The following CLVS1 variants were observed in gnomAD, a reference collection of about 807,000 sequenced individuals.
CLVS1 encodes the protein clavesin 1, also known as clavesin-1.
A neutral mutation model predicts 33.1 loss-of-function variants in CLVS1; 10 were observed. The observed-to-expected ratio is 0.30, with a 90% CI of 0.19 to 0.51. The LOEUF is 0.51. Among genes scored for constraint, CLVS1 ranks in the 20% least tolerant of loss-of-function variants. The pLI is 0.97. For missense variants in CLVS1, 343 were observed against 433.4 expected (o/e 0.79, Z 1.85); for synonymous variants, 163 against 166.1 (o/e 0.98, Z 0.14).
chr8:61,160,154 C>T (rs538062553), intron 2 of CLVS1, among the ~76,000 whole-genome samples: 3 of 152,214 alleles, frequency 2.0e-5, no homozygotes, highest in Admixed American at 6.5e-5. Flanking sequence ...GATGGAAGAG[C>T]CCTGTTTGTA....
chr8:61,171,414 T>C (rs527901582), intron 2 of CLVS1, among the ~76,000 whole-genome samples: 3 of 152,320 alleles, frequency 2.0e-5, no homozygotes, highest in Admixed American at 2.0e-4. Flanking sequence ...GGAATATAAC[T>C]GAAATCTTAC....
At chr8:61,459,049 G>A (rs528280307) in intron 5 of CLVS1, among the ~76,000 whole-genome samples, 7 of 152,270 alleles carry the variant, frequency 4.6e-5, no homozygotes, top group East Asian at 1.9e-4. Flanking sequence ...TAAAGCAGGC[G>A]ACATTCAGTC....
At chr8:61,397,851 A>G (rs1263388740) in intron 3 of CLVS1, among the ~76,000 whole-genome samples, 1 of 152,160 alleles carries the variant, frequency 6.6e-6, no homozygotes, top group East Asian at 1.9e-4. Flanking sequence ...ATTTTATCCC[A>G]TCAGTCTATA....
At chr8:61,230,927 C>T (rs1297859936) in intron 2 of CLVS1, among the ~76,000 whole-genome samples, 3 of 152,068 alleles carry the variant, frequency 2.0e-5, no homozygotes. Flanking sequence ...CAAGGGGGCT[C>T]TCTGGGGTGT....
chr8:61,406,887 G>A (rs1473863509), intron 3 of CLVS1, among the ~76,000 whole-genome samples: 3 of 152,166 alleles, frequency 2.0e-5, no homozygotes, highest in Non-Finnish European at 4.4e-5. Context: ...GGGATTACAG[G>A]TGCGAGCTGC....
chr8:61,038,338 A>C, the CLVS1 span, among the ~76,000 whole-genome samples: 1 of 151,822 alleles, frequency 6.6e-6, no homozygotes, highest in Admixed American at 6.6e-5. Flanking sequence ...TTCCCATATG[A>C]GAGGAAGGAG....
chr8:61,078,471 A>C (rs1306409180), intron 1 of CLVS1, among the ~76,000 whole-genome samples: 1 of 152,206 alleles, frequency 6.6e-6, no homozygotes, highest in Non-Finnish European at 1.5e-5. Context: ...TTCTAGTTGC[A>C]GCTTACATCT....
At chr8:61,235,910 G>T (rs572131865) in intron 2 of CLVS1, among the ~76,000 whole-genome samples, 1 of 152,318 alleles carries the variant, frequency 6.6e-6, no homozygotes, top group East Asian at 1.9e-4. Context: ...CTGTGGACAA[G>T]AGCAGTGTAA....
chr8:61,409,588 A>C (rs917972226), intron 3 of CLVS1, among the ~76,000 whole-genome samples: 1 of 152,234 alleles, frequency 6.6e-6, no homozygotes, highest in Non-Finnish European at 1.5e-5. Flanking sequence ...CCCTTTTGCT[A>C]CTACAACCAA....
At chr8:61,419,352 A>G (rs1037703306) in intron 3 of CLVS1, among the ~76,000 whole-genome samples, 34 of 146,330 alleles carry the variant, frequency 2.3e-4, no homozygotes, top group African/African-American at 8.2e-4. Context: ...AGCCGAGATC[A>G]CGCCACTGCA....
chr8:61,166,588 C>G (rs1806870457), intron 2 of CLVS1, among the ~76,000 whole-genome samples: 2 of 151,848 alleles, frequency 1.3e-5, no homozygotes, highest in Non-Finnish European at 2.9e-5. Flanking sequence ...TCTCCCTTCT[C>G]TGAGGTAAAA....
At chr8:61,430,905 A>G (rs568717686) in intron 3 of CLVS1, among the ~76,000 whole-genome samples, 3 of 152,334 alleles carry the variant, frequency 2.0e-5, no homozygotes, top group African/African-American at 7.2e-5. Flanking sequence ...CTTCTCTTTC[A>G]GGACATGAAG....
At chr8:61,050,035 T>G in the CLVS1 span, among the ~76,000 whole-genome samples, 2 of 152,374 alleles carry the variant, frequency 1.3e-5, no homozygotes, top group Admixed American at 1.3e-4. Context: ...ACAATACTGC[T>G]GAATGCGCAC....
At chr8:61,337,616 C>A (rs1811851913) in intron 2 of CLVS1, among the ~76,000 whole-genome samples, 1 of 152,146 alleles carries the variant, frequency 6.6e-6, no homozygotes, top group East Asian at 1.9e-4. Flanking sequence ...CAGATCCAAC[C>A]AATTGCAATT....
intron 3 of CLVS1, among the ~76,000 whole-genome samples, chr8:61,409,371 T>A (rs1815129300): frequency 1.3e-5 from 2 of 152,226 alleles, no homozygotes. Context: ...TTTCATATTA[T>A]ATATAGTGCT....
intron 2 of CLVS1, among the ~76,000 whole-genome samples, chr8:61,305,802 TGTG>T (rs1450696470): frequency 6.6e-6 from 1 of 152,170 alleles, no homozygotes; most frequent in Admixed American, 6.5e-5. Context: ...AGTGAGGAAA[TGTG>T]GTATTTGGTT....
At chr8:61,237,336 T>C (rs534874214) in intron 2 of CLVS1, among the ~76,000 whole-genome samples, 1 of 152,254 alleles carries the variant, frequency 6.6e-6, no homozygotes, top group Admixed American at 6.5e-5. Context: ...TAGTCCCAGC[T>C]ACCCAGGAGG....
At chr8:61,119,650 A>T (rs182369409) in intron 1 of CLVS1, among the ~76,000 whole-genome samples, 24,285 of 146,874 alleles carry the variant, frequency 0.17, 2,885 homozygotes, top group East Asian at 0.61. Flanking sequence ...TTGGCTGGAT[A>T]TGAAATTCTG....
chr8:61,303,423 T>C (rs1267517027), intron 2 of CLVS1, among the ~76,000 whole-genome samples: 1 of 152,228 alleles, frequency 6.6e-6, no homozygotes, highest in African/African-American at 2.4e-5. Context: ...CCAGCTCTAA[T>C]GGCTCATGAA....
Sources: gnomAD v4.1 joint callset for allele counts (sites outside exome capture counted in the v4.1 genomes callset) on GRCh38, gnomAD v4.1.1 for gene constraint, MANE v1.5 for transcripts, NCBI Gene and HGNC (gene_info 2026-07-23, HGNC 2026-07-21) for gene names.